The following KIF17 variants were observed in gnomAD, a reference collection of about 807,000 sequenced individuals.
The protein encoded by KIF17 is kinesin family member 17.
KIF17 carries 80 observed loss-of-function variants against 96.8 expected under a neutral mutation model. That is an observed-to-expected ratio of 0.83 (90% CI 0.69 to 1.00). KIF17 has a LOEUF of 1.00. Among genes scored for constraint, KIF17 ranks in the 50% least tolerant of loss-of-function variants. KIF17 has a pLI of 0.00. For missense variants in KIF17, 1,280 were observed against 1,372.9 expected (o/e 0.93, Z 1.07); for synonymous variants, 567 against 587.5 (o/e 0.97, Z 0.51).
chr1:20,670,300 C>A (rs769880151), intron 13 of KIF17, 121 bp downstream of exon 13: 70 of 994,898 alleles, frequency 7.0e-5, no homozygotes, highest in Non-Finnish European at 1.0e-4. Context: ...TTGGCCCCTT[C>A]TTTAATCCTT....
intron 14 of KIF17, among the ~76,000 whole-genome samples, chr1:20,665,219 C>CT (rs59635021): frequency 0.16 from 9,723 of 61,252 alleles, 1,395 homozygotes; most frequent in African/African-American, 0.18. Flanking sequence ...CAAATTTGCT[C>CT]TTTTTTTTTT....
At chr1:20,715,083 TC>T (rs1471656849) in intron 2 of KIF17, among the ~76,000 whole-genome samples, 1 of 152,086 alleles carries the variant, frequency 6.6e-6, no homozygotes, top group Non-Finnish European at 1.5e-5. Flanking sequence ...AGTCTCAACC[TC>T]CCTATCTCAA....
intron 3 of KIF17, among the ~76,000 whole-genome samples, chr1:20,711,354 C>T (rs1279105618): frequency 6.6e-6 from 1 of 152,118 alleles, no homozygotes; most frequent in African/African-American, 2.4e-5. Context: ...CCTCAGGGGT[C>T]CCCCTCCACC....
At chr1:20,673,044 GTGAAACCCCATC>G (rs1051208379) in intron 11 of KIF17, 1 of 152,128 alleles carries the variant, frequency 6.6e-6, no homozygotes, top group African/African-American at 2.4e-5. Context: ...GGCCAACATG[GTGAAACCCCATC>G]TCTACTAAAA....
In KIF17 at chr1:20,687,536, G is replaced by A. The variant is rs114593671; in HGVS notation, c.1790C>T (p.Pro597Leu). 5.0e-5 allele frequency: 81 copies of A among 1,613,338 alleles called. 1 individual carries two copies. In the African/African-American group the frequency reaches 6.9e-4, roughly 14 times the overall value. Residue 597 changes from proline to leucine, a missense_variant, in exon 8 of 15, where the codon CCG (proline) becomes CTG (leucine). By Grantham distance (98) the Pro-to-Leu change is moderately conservative. Coordinates refer to ENST00000400463, the MANE Select transcript of KIF17 (RefSeq NM_001122819.3). The surrounding 1 kb of genome is among the most constrained non-coding windows in gnomAD (Gnocchi z 4.4). ...GGGCACCTCCTGCGGCTCCTCTTGC[G>A]GGAGGTAGTTCTGTTCCCCCAGCAG... ...GHLLGEQNYLPQEEPQEVPLQ... is the reference protein window; with the variant it reads ...GHLLGEQNYLLQEEPQEVPLQ...
chr1:20,698,315 T>G, intron 6 of KIF17, 64 bp downstream of exon 6: 1 of 1,160,484 alleles, frequency 8.6e-7, no homozygotes, highest in South Asian at 1.2e-5. Context: ...GCGGCAGCCC[T>G]GCCCTTCCCG....
At chr1:20,713,939 C>A (rs1409766956) in intron 2 of KIF17, among the ~76,000 whole-genome samples, 1 of 152,146 alleles carries the variant, frequency 6.6e-6, no homozygotes, top group Non-Finnish European at 1.5e-5. Flanking sequence ...GTAATCCCAG[C>A]ACTTTCGGAG....
At position 20,664,624 on chromosome 1, in the gene KIF17, C is replaced by T. The variant is rs377443985; in HGVS notation, c.3047G>A (p.Arg1016His). The T allele has an allele frequency of 6.9e-5, 101 of 1,468,888 alleles. No individual in the cohort carries two copies. Among genetic ancestry groups the T allele is most frequent in the East Asian group, 9.5e-5 (3 of 31,662 alleles). The allele number at this position is 1,468,888 out of a possible 1,614,324, so 91.0% of individuals were successfully genotyped here. Residue 1016 changes from arginine to histidine, a missense_variant, in exon 15 of 15, where the codon CGT becomes CAT. Physicochemically the swap from Arg to His is conservative, Grantham distance 29. Coordinates refer to ENST00000400463, the MANE Select transcript of KIF17 (RefSeq NM_001122819.3). ...GCCAAAGTTGCTTTTGCTTTTCTTA[C>T]GCTTGGCCTTGGTGAAAGGGATGTC... ...SLDIPFTKAK[R>H]KKSKSNFGSE... is the part of the protein sequence containing the mutation.
chr1:20,707,799 G>A (rs1044631152), intron 4 of KIF17, among the ~76,000 whole-genome samples: 1 of 118,310 alleles, frequency 8.5e-6, no homozygotes, highest in Non-Finnish European at 1.9e-5. Context: ...GTGTGTGTGT[G>A]TGTGTGTGTG....
At chr1:20,674,380 C>A (rs1169801347) in intron 11 of KIF17, among the ~76,000 whole-genome samples, 1 of 152,204 alleles carries the variant, frequency 6.6e-6, no homozygotes, top group Non-Finnish European at 1.5e-5. Context: ...CAGTCCTCAG[C>A]CTCCTGAGTA....
rs1553151992 is a variant in KIF17, at chr1:20,703,180, T to TGGATGGATGGATGGAC, written c.1123+1266_1123+1267insGTCCATCCATCCATCC. ...GGAAGGATGGAGATGGATGGATGAATGGATGGACGGATGGATGGGAGATGG... is the reference window on the plus strand; with the variant it reads ...GGAAGGATGGAGATGGATGGATGAATGGATGGATGGATGGACGGATGGACGGATGGATGGGAGATGG... On this transcript the variant is annotated intron_variant, in intron 5 of 14. Transcript: ENST00000400463. Among the ~76,000 whole-genome samples, 548 of 149,986 alleles carry TGGATGGATGGATGGAC rather than the reference T, an allele frequency of 3.7e-3. 2 individuals carry two copies. The highest frequency in any genetic ancestry group is 0.01 in the Middle Eastern group (3 of 286).
chr1:20,681,712 T>C (rs978141445), intron 11 of KIF17, among the ~76,000 whole-genome samples: 8 of 152,072 alleles, frequency 5.3e-5, no homozygotes, highest in Admixed American at 4.6e-4. Flanking sequence ...TCCAGCCACA[T>C]CTGCCCATTC....
intron 1 of KIF17, 120 bp downstream of exon 1, chr1:20,717,356 C>A (rs2054595826): frequency 1.8e-6 from 2 of 1,124,790 alleles, no homozygotes. Flanking sequence ...TACCTGTTCC[C>A]GTCCGCCTGC....
intron 6 of KIF17, among the ~76,000 whole-genome samples, chr1:20,695,071 C>T (rs1480696569): frequency 1.3e-5 from 2 of 152,266 alleles, no homozygotes; most frequent in East Asian, 3.9e-4. Context: ...CATGCACCCA[C>T]AGACACACAT....
In KIF17 at chr1:20,685,070, C is replaced by T; in HGVS notation, c.2020-50G>A. On this transcript the variant is annotated intron_variant, in intron 9 of 14. Transcript: ENST00000400463. This position sits in a 1 kb window ranked among gnomAD's most constrained non-coding sequence, Gnocchi z 4.1. ...GGAGGTGGGAAGGCCGCCCCAACCC[C>T]CGCCGACAGCTCCCAGGTGGCTCAA... 1.4e-6 allele frequency: 2 copies of T among 1,453,464 alleles called. No homozygotes were observed. Among genetic ancestry groups the T allele is most frequent in the Non-Finnish European group, 1.9e-6 (2 of 1,057,696 alleles). The allele number at this position is 1,453,464 out of a possible 1,614,324, so 90.0% of individuals were successfully genotyped here.
intron 5 of KIF17, among the ~76,000 whole-genome samples, chr1:20,698,918 G>C (rs1257046674): frequency 6.6e-6 from 1 of 152,140 alleles, no homozygotes; most frequent in African/African-American, 2.4e-5. Context: ...GGGTGCTTGG[G>C]AGTCAGAAGC....
chr1:20,705,163 G>T (rs1033688381), intron 4 of KIF17, among the ~76,000 whole-genome samples: 2 of 152,226 alleles, frequency 1.3e-5, no homozygotes, highest in Non-Finnish European at 2.9e-5. Flanking sequence ...CTGTCTCCAG[G>T]AGCAGGGCCT....
rs2053528145 is a variant in KIF17, at chr1:20,666,333, T to G, written c.2791-2A>C. On this transcript the variant is annotated splice_acceptor_variant, in intron 13 of 14. Transcript: ENST00000400463. LOFTEE classifies it high-confidence loss of function. ...CATGAGCCTGTAGCGGTCGTCCTCC[T>G]GCCGAGATGCAGATGCCCGTGGTCA... The G allele has an allele frequency of 6.2e-7, 1 of 1,608,552 alleles. No homozygotes were observed. Among genetic ancestry groups the G allele is most frequent in the Admixed American group, 1.7e-5 (1 of 60,016 alleles).
At chr1:20,684,730 C>G (rs965720617) in intron 10 of KIF17, 79 bp downstream of exon 10, 2 of 1,391,696 alleles carry the variant, frequency 1.4e-6, no homozygotes, top group South Asian at 1.2e-5. Flanking sequence ...GAAGCTATGG[C>G]ACCCCCGCCT....
Sources: allele counts gnomAD v4.1 joint callset (sites outside exome capture counted in the v4.1 genomes callset), GRCh38; gene constraint gnomAD v4.1.1; non-coding constraint Gnocchi (gnomAD v3.1); transcripts MANE v1.5; gene names NCBI Gene and HGNC (gene_info 2026-07-23, HGNC 2026-07-21).